Variants in ZRANB3 observed in about 807,000 individuals in gnomAD.
The protein encoded by ZRANB3 is zinc finger RANBP2-type containing 3.
ZRANB3 carries 125 observed loss-of-function variants against 133.8 expected under a neutral mutation model. The observed-to-expected ratio is 0.93, with a 90% confidence interval of 0.81 to 1.08. The LOEUF is 1.08. Among genes scored for constraint, ZRANB3 ranks in the 50% least tolerant of loss-of-function variants. The probability of loss-of-function intolerance (pLI) is 0.00; values close to 1 mark genes in which losing one functional copy is unlikely to be tolerated. For synonymous variants in ZRANB3, 387 were observed against 432.7 expected (o/e 0.89, Z 1.31); for missense variants, 1,229 against 1,275.5 (o/e 0.96, Z 0.56).
chr2:135,289,445 G>A (rs987438298), intron 8 of ZRANB3, among the ~76,000 whole-genome samples: 6 of 152,014 alleles, frequency 3.9e-5, no homozygotes, highest in African/African-American at 1.2e-4. Flanking sequence ...TAGTAGCGAC[G>A]GGGTTTCACC....
At chr2:135,344,157 A>C (rs1684817604) in intron 6 of ZRANB3, among the ~76,000 whole-genome samples, 1 of 152,200 alleles carries the variant, frequency 6.6e-6, no homozygotes, top group Non-Finnish European at 1.5e-5. Context: ...ATAACTCTCC[A>C]AGGCAGGCAT....
chr2:135,421,898 T>C (rs1340650943), intron 2 of ZRANB3, among the ~76,000 whole-genome samples: 1 of 150,812 alleles, frequency 6.6e-6, no homozygotes, highest in East Asian at 1.9e-4. Context: ...TCCTTTTTTT[T>C]TTTTTTTGCT....
chr2:135,361,060 G>A lies in ZRANB3; in HGVS notation c.181-7432C>T, dbSNP rs1166035750. Among the ~76,000 whole-genome samples, 6 of 152,162 alleles carry A rather than the reference G, an allele frequency of 3.9e-5. 1 individual carries two copies. The highest frequency in any genetic ancestry group is 5.9e-5 in the Non-Finnish European group (4 of 68,032). On this transcript the variant is annotated intron_variant, in intron 3 of 20. Coordinates refer to ENST00000264159, the MANE Select transcript of ZRANB3 (RefSeq NM_032143.4). The stretch of plus-strand genomic sequence containing the variant: ...CTCCCAAAGTGCTGAGATTACAGGC[G>A]TGAGCCACCGCACTTGGCCAGATTT...
intron 1 of ZRANB3, among the ~76,000 whole-genome samples, chr2:135,524,691 C>T (rs1694081546): frequency 6.6e-6 from 1 of 151,818 alleles, no homozygotes; most frequent in Non-Finnish European, 1.5e-5. Context: ...TACAAAGTTA[C>T]AGAAATTAAG....
intron 19 of ZRANB3, 99 bp downstream of exon 19, chr2:135,207,335 A>G (rs985837887): frequency 5.1e-5 from 71 of 1,386,732 alleles, no homozygotes; most frequent in South Asian, 8.6e-5. Context: ...TTCCTTTTAT[A>G]TATCTGAATA....
intron 4 of ZRANB3, among the ~76,000 whole-genome samples, chr2:135,353,033 C>T (rs1054104407): frequency 1.3e-5 from 2 of 152,032 alleles, no homozygotes; most frequent in African/African-American, 2.4e-5. Flanking sequence ...GAGTCACACA[C>T]AAAACTTGCA....
chr2:135,483,268 G>A (rs1250509484), intron 2 of ZRANB3, among the ~76,000 whole-genome samples: 1 of 152,102 alleles, frequency 6.6e-6, no homozygotes, highest in African/African-American at 2.4e-5. Context: ...TGGTTGGTAA[G>A]CTATTGATTA....
In ZRANB3 at chr2:135,217,401, C is replaced by A. The variant is rs540198844; in HGVS notation, c.2495+64G>T. ...TAGTGGTTCCAAAAGATGCCTCAGA[C>A]CCCCCTGTAGAAAGAACCATGAAAA... On this transcript the variant is annotated intron_variant, in intron 17 of 20. Transcript: ENST00000264159. The A allele has an allele frequency of 1.5e-5, 21 of 1,429,678 alleles. No individual in the cohort carries two copies. The African/African-American group carries it at 1.8e-4, about 12-fold the overall frequency. 88.6% of individuals were successfully genotyped at this position (1,429,678 alleles called of 1,614,324 possible).
intron 2 of ZRANB3, among the ~76,000 whole-genome samples, chr2:135,430,291 T>A (rs1202275105): frequency 6.6e-6 from 1 of 152,176 alleles, no homozygotes; most frequent in Non-Finnish European, 1.5e-5. Flanking sequence ...CTTAATGATA[T>A]GATCGCAGGA....
chr2:135,369,841 C>A (rs1686092424), intron 3 of ZRANB3, among the ~76,000 whole-genome samples: 1 of 152,102 alleles, frequency 6.6e-6, no homozygotes, highest in Non-Finnish European at 1.5e-5. Flanking sequence ...ACAAGACCCA[C>A]TTCCAATCTA....
chr2:135,396,562 C>T (rs572858343), intron 2 of ZRANB3, among the ~76,000 whole-genome samples: 1 of 152,230 alleles, frequency 6.6e-6, no homozygotes, highest in East Asian at 1.9e-4. Context: ...AAGCCAGGCA[C>T]AGAAAGACAA....
chr2:135,387,043 GA>G (rs941510960), intron 3 of ZRANB3, among the ~76,000 whole-genome samples: 1 of 151,234 alleles, frequency 6.6e-6, no homozygotes, highest in Non-Finnish European at 1.5e-5. Flanking sequence ...GATACCGAAA[GA>G]AGGGGGAATA....
At chr2:135,428,415 G>C (rs1689183567) in intron 2 of ZRANB3, among the ~76,000 whole-genome samples, 3 of 114,150 alleles carry the variant, frequency 2.6e-5, no homozygotes, top group Non-Finnish European at 4.9e-5. Flanking sequence ...GACAGAGTGA[G>C]ACTTTGTTTC....
rs1305278825 is a variant in ZRANB3, at chr2:135,207,586, G to C, written c.2857C>G (p.Leu953Val). The stretch of plus-strand genomic sequence containing the variant: ...TCAGTTTCAAATACTTTGGCTCTCA[G>C]GTAACTGTTATTAGATCGAATCCAA... ...EFWIRSNNSY[L>V]RAKVFETEHG... is the part of the protein sequence containing the mutation. Residue 953 changes from leucine (L) to valine (V), a missense_variant, in exon 19 of 21, where the codon CTG becomes GTG. By Grantham distance (32) the Leu-to-Val change is conservative. Transcript: ENST00000264159. 2 of 1,613,908 alleles carry C rather than the reference G, an allele frequency of 1.2e-6. No individual in the cohort carries two copies. The highest frequency in any genetic ancestry group is 1.7e-6 in the Non-Finnish European group (2 of 1,179,894).
At chr2:135,238,917 C>T (rs1381950014) in intron 12 of ZRANB3, 1 of 152,140 alleles carries the variant, frequency 6.6e-6, no homozygotes, top group Non-Finnish European at 1.5e-5. Context: ...AAGTTTTCAG[C>T]CCCTGGCATG....
At chr2:135,415,842 A>G (rs1688543266) in intron 2 of ZRANB3, among the ~76,000 whole-genome samples, 1 of 152,102 alleles carries the variant, frequency 6.6e-6, no homozygotes, top group Non-Finnish European at 1.5e-5. Context: ...TATAAACAGA[A>G]CCAAAGACAA....
intron 2 of ZRANB3, among the ~76,000 whole-genome samples, chr2:135,470,958 C>T (rs1247551453): frequency 1.9e-4 from 29 of 151,464 alleles, no homozygotes; most frequent in African/African-American, 6.3e-4. Context: ...CCCGCCACCA[C>T]GCCCAGCTAA....
intron 3 of ZRANB3, among the ~76,000 whole-genome samples, chr2:135,369,530 T>C (rs6711370): frequency 0.26 from 40,146 of 152,026 alleles, 8,864 homozygotes; most frequent in African/African-American, 0.59. Context: ...CTATAATATA[T>C]AAGAAGAGGA....
At chr2:135,375,998 T>C (rs1686413562) in intron 3 of ZRANB3, among the ~76,000 whole-genome samples, 3 of 152,168 alleles carry the variant, frequency 2.0e-5, no homozygotes, top group African/African-American at 4.8e-5. Flanking sequence ...CAGACATAAA[T>C]AGCTAAAATG....
Sources: allele counts gnomAD v4.1 joint callset (sites outside exome capture counted in the v4.1 genomes callset), GRCh38; gene constraint gnomAD v4.1.1; transcripts MANE v1.5; gene names NCBI Gene and HGNC (gene_info 2026-07-23, HGNC 2026-07-21).